The following ADGRG4 variants were observed in gnomAD, a reference collection of about 807,000 sequenced individuals.
ADGRG4 encodes adhesion G protein-coupled receptor G4.
ADGRG4 carries 122 observed loss-of-function variants against 126.2 expected under a neutral mutation model. The ratio of observed to expected loss-of-function variants is 0.97; its 90% CI spans 0.83 to 1.12. The LOEUF (loss-of-function observed/expected upper bound fraction) is 1.12, where lower values mean the gene tolerates loss of function less well. ADGRG4 is among the 50% of genes most tolerant of loss of function. ADGRG4 has a pLI of 0.00. For missense variants in ADGRG4, 2,481 were observed against 2,251.8 expected (o/e 1.10, Z -2.06); for synonymous variants, 943 against 838.7 (o/e 1.12, Z -2.15).
chrX:136,350,368 T>A lies in ADGRG4; in HGVS notation c.6662T>A (p.Leu2221Gln), dbSNP rs756869807. Residue 2221 changes from leucine (L) to glutamine (Q), a missense_variant, in exon 6 of 26, where the codon CTG (leucine) becomes CAG (glutamine). Transcript: ENST00000394143. ...TCGTCCTTTTTTGAAACAACTTGGC[T>A]GGACTCCACACCTTCCTTTCTATCT... is the stretch of plus-strand genomic sequence containing the variant. ...PISSFFETTW[L>Q]DSTPSFLSTE... The A allele has an allele frequency of 1.7e-6, 2 of 1,209,149 alleles. No individual in the cohort carries two copies. Among genetic ancestry groups the A allele is most frequent in the African/African-American group, 3.5e-5 (2 of 57,127 alleles).
At chrX:136,383,222 T>A (rs1488500021) in intron 15 of ADGRG4, among the ~76,000 whole-genome samples, 1 of 112,051 alleles carries the variant, frequency 8.9e-6, no homozygotes, top group East Asian at 2.8e-4. Flanking sequence ...ATCCTAGTTG[T>A]TCTCTAATTG....
At chrX:136,338,218 C>T (rs770011188) in intron 5 of ADGRG4, among the ~76,000 whole-genome samples, 2 of 107,126 alleles carry the variant, frequency 1.9e-5, no homozygotes, top group South Asian at 4.3e-4. Flanking sequence ...AGTACAGTGG[C>T]GCGATCTTGG....
chrX:136,326,795 T>C (rs1348436822), intron 5 of ADGRG4, among the ~76,000 whole-genome samples: 1 of 111,552 alleles, frequency 9.0e-6, no homozygotes, highest in African/African-American at 3.3e-5. Flanking sequence ...TTGATATTTA[T>C]GGTCCATAGA....
intron 15 of ADGRG4, among the ~76,000 whole-genome samples, chrX:136,381,413 C>T (rs753442083): frequency 4.5e-5 from 5 of 110,652 alleles, no homozygotes; most frequent in South Asian, 3.9e-4. Context: ...CACCACACCT[C>T]GCTACTTTTT....
chrX:136,338,572 A>G (rs2074961437), intron 5 of ADGRG4, among the ~76,000 whole-genome samples: 1 of 111,928 alleles, frequency 8.9e-6, no homozygotes, highest in African/African-American at 3.2e-5. Context: ...CTTTCTTAAC[A>G]ATGTTTATTT....
rs147125637 is a variant in ADGRG4 at position 136,347,833 on chromosome X, T to A, written c.4127T>A (p.Leu1376Ter). 1 of 1,207,535 alleles carries A rather than the reference T, an allele frequency of 8.3e-7. No homozygotes were observed. The highest frequency in any genetic ancestry group is 1.8e-5 in the African/African-American group (1 of 57,096). Residue 1376 changes from leucine to a stop codon, truncating the protein, a stop_gained, in exon 6 of 26, where the codon TTG becomes TAG. Coordinates refer to ENST00000394143, the MANE Select transcript of ADGRG4 (RefSeq NM_153834.4). LOFTEE classifies it high-confidence loss of function. Reference sequence around the variant, plus strand: ...CAAGCTCTGACAATCACCACTTTTTTGTGTCCTGAAAAGGAAAGCACGAGT... The same window carrying A: ...CAAGCTCTGACAATCACCACTTTTTAGTGTCCTGAAAAGGAAAGCACGAGT... ...PSQALTITTF[L>*]CPEKESTSAL...
chrX:136,404,013 G>C (rs887969144), intron 22 of ADGRG4, among the ~76,000 whole-genome samples: 9 of 110,600 alleles, frequency 8.1e-5, no homozygotes, highest in African/African-American at 2.6e-4. Flanking sequence ...ACTTCTGATT[G>C]TTCCATTCTT....
intron 5 of ADGRG4, among the ~76,000 whole-genome samples, chrX:136,335,485 C>T (rs1250200243): frequency 1.8e-5 from 2 of 110,577 alleles, no homozygotes; most frequent in Non-Finnish European, 3.8e-5. Flanking sequence ...CCAGTGAAAT[C>T]ATGTGGGCCT....
intron 5 of ADGRG4, among the ~76,000 whole-genome samples, chrX:136,327,973 C>T (rs1021955862): frequency 9.0e-6 from 1 of 111,126 alleles, no homozygotes; most frequent in African/African-American, 3.3e-5. Context: ...ATGTGTCTAT[C>T]CCCAAAAGCA....
chrX:136,380,587 T>TCCA, intron 15 of ADGRG4, among the ~76,000 whole-genome samples: 1 of 80,974 alleles, frequency 1.2e-5, no homozygotes, highest in Non-Finnish European at 2.4e-5. Flanking sequence ...TTCCTCCTCC[T>TCCA]CCTCCTCCTC....
intron 21 of ADGRG4, among the ~76,000 whole-genome samples, chrX:136,402,915 C>T (rs1256919948): frequency 6.3e-5 from 7 of 111,781 alleles, no homozygotes; most frequent in Non-Finnish European, 9.4e-5. Context: ...GGCTCATGAT[C>T]TAAGAAGAAA....
intron 11 of ADGRG4, among the ~76,000 whole-genome samples, chrX:136,360,867 T>C (rs2075124089): frequency 1.8e-5 from 2 of 111,945 alleles, no homozygotes; most frequent in South Asian, 7.5e-4. Flanking sequence ...GAGAAGTTCG[T>C]CTATAGTCTC....
chrX:136,371,283 A>G, intron 13 of ADGRG4, 45 bp from the exon 14 acceptor site: 1 of 908,646 alleles, frequency 1.1e-6, no homozygotes, highest in Non-Finnish European at 1.5e-6. Context: ...AGAATGGCAG[A>G]AGACTAAGTC....
intron 15 of ADGRG4, among the ~76,000 whole-genome samples, chrX:136,384,615 A>T (rs762101408): frequency 1.7e-4 from 19 of 111,512 alleles, no homozygotes; most frequent in Non-Finnish European, 2.8e-4. Context: ...ATAATGATAA[A>T]TTTTCTGAGT....
chrX:136,403,779 G>T (rs913757983), intron 22 of ADGRG4, among the ~76,000 whole-genome samples: 1 of 112,085 alleles, frequency 8.9e-6, no homozygotes, highest in Admixed American at 9.4e-5. Flanking sequence ...CCTGAAGAAC[G>T]CTGAACAGCT....
At position 136,323,073 on chromosome X, in the gene ADGRG4, A is replaced by T; in HGVS notation, c.366A>T (p.Ile122=). Residue 122 remains isoleucine (I), a synonymous_variant, in exon 5 of 26, where the codon ATA becomes ATT. Coordinates refer to ENST00000394143, the MANE Select transcript of ADGRG4 (RefSeq NM_153834.4). ...TGGCTTCATTTCAATGGCATACAATATGCTTGATATGGGATGGTGTGAAGG... is the reference window on the plus strand; with the variant it reads ...TGGCTTCATTTCAATGGCATACAATTTGCTTGATATGGGATGGTGTGAAGG... ...HHLASFQWHT[I]CLIWDGVKGK... 1 of 1,210,340 alleles carries T rather than the reference A, an allele frequency of 8.3e-7. No homozygotes were observed. The highest frequency in any genetic ancestry group is 1.1e-6 in the Non-Finnish European group (1 of 894,294).
At chrX:136,335,479 T>G (rs1198103560) in intron 5 of ADGRG4, among the ~76,000 whole-genome samples, 1 of 110,878 alleles carries the variant, frequency 9.0e-6, no homozygotes, top group Non-Finnish European at 1.9e-5. Flanking sequence ...CAAACTCCAG[T>G]GAAATCATGT....
In ADGRG4 at chrX:136,357,757, G is replaced by A. The variant is rs2075103223; in HGVS notation, c.6980+1G>A. The A allele has an allele frequency of 8.9e-7, 1 of 1,128,236 alleles. No homozygotes were observed. Among genetic ancestry groups the A allele is most frequent in the South Asian group, 1.9e-5 (1 of 53,289 alleles). The allele number at this position is 1,128,236 out of a possible 1,213,427, so 93.0% of individuals were successfully genotyped here. ...CTACAATTTCCTATGTACCATACAGGTAGGAAGTAGGAACTGAGTTTATTA... is the reference window on the plus strand; with the variant it reads ...CTACAATTTCCTATGTACCATACAGATAGGAAGTAGGAACTGAGTTTATTA... On this transcript the variant is annotated splice_donor_variant, in intron 10 of 25. Transcript: ENST00000394143. LOFTEE classifies it high-confidence loss of function.
intron 18 of ADGRG4, among the ~76,000 whole-genome samples, 169 bp from the exon 19 acceptor site, chrX:136,395,221 T>C (rs2075339969): frequency 8.9e-6 from 1 of 111,848 alleles, no homozygotes; most frequent in South Asian, 3.8e-4. Context: ...AAAAAGTCAA[T>C]TTAGTCTGTT....
Sources: gnomAD v4.1 joint callset for allele counts (sites outside exome capture counted in the v4.1 genomes callset) on GRCh38, gnomAD v4.1.1 for gene constraint, MANE v1.5 for transcripts, NCBI Gene and HGNC (gene_info 2026-07-23, HGNC 2026-07-21) for gene names.